ECPAS: variants seen among roughly 807,000 people sequenced by gnomAD.
The protein encoded by ECPAS is proteasome adapter and scaffold protein ECM29.
In ECPAS, 70 loss-of-function variants were observed where a neutral mutation model predicts 255.1. The ratio of observed to expected loss-of-function variants is 0.27; its 90% CI spans 0.23 to 0.33. ECPAS has a LOEUF of 0.33. ECPAS is among the 10% of genes least tolerant of loss of function. The pLI is 1.00. For missense variants in ECPAS, 1,817 were observed against 2,206.4 expected (o/e 0.82, Z 3.54); for synonymous variants, 784 against 775.0 (o/e 1.01, Z -0.19).
intron 2 of ECPAS, among the ~76,000 whole-genome samples, chr9:111,456,668 T>TTC (rs2098267376): frequency 6.6e-6 from 1 of 152,204 alleles, no homozygotes; most frequent in Non-Finnish European, 1.5e-5. Context: ...CCAGCTGCAG[T>TTC]TCAACCTTTC....
chr9:111,403,332 A>G (rs12352117), intron 24 of ECPAS, among the ~76,000 whole-genome samples: 65,498 of 150,124 alleles, frequency 0.44, 14,579 homozygotes, highest in Non-Finnish European at 0.48. Context: ...TCCAGCCTGG[A>G]CAATGGAGCG....
At chr9:111,374,970 T>A in intron 38 of ECPAS, 143 bp downstream of exon 38, 2 of 630,306 alleles carry the variant, frequency 3.2e-6, no homozygotes, top group Non-Finnish European at 5.7e-6. Flanking sequence ...TTTTCAGTTA[T>A]CAGTGCAACC....
At chr9:111,453,079 T>C (rs2098262449) in intron 2 of ECPAS, among the ~76,000 whole-genome samples, 1 of 151,758 alleles carries the variant, frequency 6.6e-6, no homozygotes, top group African/African-American at 2.4e-5. Context: ...CCCCCATCTC[T>C]ACAAAAAAAA....
At chr9:111,368,402 T>C (rs2098123280) in intron 46 of ECPAS, among the ~76,000 whole-genome samples, 1 of 152,192 alleles carries the variant, frequency 6.6e-6, no homozygotes, top group Non-Finnish European at 1.5e-5. Context: ...ACTTTGTGCA[T>C]TCCTCTGAAT....
At chr9:111,458,546 G>A (rs1000605543) in intron 2 of ECPAS, among the ~76,000 whole-genome samples, 2 of 152,004 alleles carry the variant, frequency 1.3e-5, no homozygotes, top group African/African-American at 4.8e-5. Context: ...AGATAACTCA[G>A]GATGGGGGTT....
chr9:111,408,524 A>T, intron 24 of ECPAS, 47 bp downstream of exon 24: 1 of 1,182,806 alleles, frequency 8.5e-7, no homozygotes, highest in Non-Finnish European at 1.2e-6. Context: ...AAAAAAGACC[A>T]ATGCCTTTTC....
rs1001763447 is a variant in ECPAS, at chr9:111,420,193, C to T, written c.1456-73G>A. 2.3e-5 allele frequency: 22 copies of T among 974,402 alleles called. No homozygotes were observed. The African/African-American group carries it at 2.8e-4, about 12-fold the overall frequency. The allele number at this position is 974,402 out of a possible 1,614,324, so 60.4% of individuals were successfully genotyped here. A position where few individuals can be genotyped will look rare whatever the true frequency, so the allele number is the denominator to read the frequency against. ...AAAAAAAAATCAATTACCAGCCATT[C>T]ATTCCAATCAAGATGAGTCTTCCTA... On this transcript the variant is annotated intron_variant, in intron 15 of 49. Coordinates refer to ENST00000684092, the MANE Select transcript of ECPAS (RefSeq NM_001364929.1).
At position 111,442,437 on chromosome 9, in the gene ECPAS, G is replaced by A. The variant is rs746338204; in HGVS notation, c.271-13C>T. 5.5e-6 allele frequency: 8 copies of A among 1,449,280 alleles called. No homozygotes were observed. Among genetic ancestry groups the A allele is most frequent in the African/African-American group, 2.8e-5 (2 of 71,474 alleles). The allele number at this position is 1,449,280 out of a possible 1,614,324, so 89.8% of individuals were successfully genotyped here. Reference sequence around the variant, plus strand: ...TTATAGTAAAATTCTAATGCAATAAGAGAAAAGCAAGTGAGTGTGAAGGAA... The same window carrying A: ...TTATAGTAAAATTCTAATGCAATAAAAGAAAAGCAAGTGAGTGTGAAGGAA... On this transcript the variant is annotated splice_polypyrimidine_tract_variant and intron_variant, in intron 4 of 49. Coordinates refer to ENST00000684092, the MANE Select transcript of ECPAS (RefSeq NM_001364929.1).
At chr9:111,449,071 G>A (rs573062571) in intron 3 of ECPAS, among the ~76,000 whole-genome samples, 12 of 152,230 alleles carry the variant, frequency 7.9e-5, no homozygotes, top group African/African-American at 2.6e-4. Context: ...ATCATTCCAA[G>A]CCTCAGTTTC....
intron 6 of ECPAS, among the ~76,000 whole-genome samples, chr9:111,439,793 G>A (rs367619742): frequency 1.4e-4 from 21 of 152,012 alleles, no homozygotes; most frequent in African/African-American, 4.6e-4. Context: ...CATAGAGAGG[G>A]GGTGTAGAGA....
rs1159392398 is a variant in ECPAS, at chr9:111,427,967, AAC to A, written c.1050+73_1050+74del. On this transcript the variant is annotated intron_variant, in intron 10 of 49. Transcript: ENST00000684092. ...TCAACCTACCCACTGAATATCCATT[AAC>A]ACAGTTCTTTCTCTAATTAAATAGA... 8.0e-6 allele frequency: 11 copies of A among 1,382,480 alleles called. 1 individual carries two copies. The East Asian group carries it at 2.7e-4, about 34-fold the overall frequency. The allele number at this position is 1,382,480 out of a possible 1,614,324, so 85.6% of individuals were successfully genotyped here. A position where few individuals can be genotyped will look rare whatever the true frequency, so the allele number is the denominator to read the frequency against.
chr9:111,412,012 AC>A lies in ECPAS; in HGVS notation c.2214+1del, dbSNP rs2098195322. The A allele has an allele frequency of 6.5e-7, 1 of 1,547,298 alleles. No individual in the cohort carries two copies. The highest frequency in any genetic ancestry group is 1.4e-5 in the African/African-American group (1 of 70,682). On this transcript the variant is annotated splice_donor_variant, in intron 21 of 49. Coordinates refer to ENST00000684092, the MANE Select transcript of ECPAS (RefSeq NM_001364929.1). LOFTEE classifies it high-confidence loss of function. ...AAAAAGAATGAAAACAAAATAACATACGTGATTGTCTTTTGTAGTCTTTATA... is the reference window on the plus strand; with the variant it reads ...AAAAAGAATGAAAACAAAATAACATAGTGATTGTCTTTTGTAGTCTTTATA...
intron 10 of ECPAS, among the ~76,000 whole-genome samples, chr9:111,426,100 G>C (rs2098221162): frequency 1.3e-5 from 2 of 152,076 alleles, no homozygotes; most frequent in South Asian, 4.1e-4. Flanking sequence ...CACTGCAGTG[G>C]GTCACCACTC....
At chr9:111,472,807 T>A in intron 2 of ECPAS, 90 bp downstream of exon 2, 1 of 262,608 alleles carries the variant, frequency 3.8e-6, no homozygotes, top group Non-Finnish European at 7.4e-6. Flanking sequence ...CATGAAGATC[T>A]TGGGGGGAAA....
At chr9:111,445,115 C>A (rs2131924632) in intron 3 of ECPAS, among the ~76,000 whole-genome samples, 1 of 151,696 alleles carries the variant, frequency 6.6e-6, no homozygotes, top group African/African-American at 2.4e-5. Context: ...CCTGCCTCAG[C>A]CTCCCGAGTA....
rs1364716550 is a variant in ECPAS, at chr9:111,389,703, A to C, written c.3300T>G (p.Asn1100Lys). 1 of 1,612,120 alleles carries C rather than the reference A, an allele frequency of 6.2e-7. No individual in the cohort carries two copies. Among genetic ancestry groups the C allele is most frequent in the African/African-American group, 1.3e-5 (1 of 74,786 alleles). The change falls in exon 31 of 50, where the codon AAT (asparagine) becomes AAG (lysine). Residue 1100 changes from asparagine (N) to lysine (K), a missense_variant. By Grantham distance (94) the Asn-to-Lys change is moderately conservative. Transcript: ENST00000684092. The part of the protein sequence containing the change: ...NSRKGAAFGF[N>K]VIATRAGEQL... The stretch of plus-strand genomic sequence containing the variant: ...GCTCTCCAGCTCTGGTAGCAATTAC[A>C]TTAAAACCAAAAGCAGCACCCTAAA...
At position 111,484,259 on chromosome 9, in the gene ECPAS, G is replaced by A; in HGVS notation, c.-226C>T. 2.7e-6 allele frequency: 4 copies of A among 1,499,502 alleles called. No individual in the cohort carries two copies. The highest frequency in any genetic ancestry group is 3.5e-6 in the Non-Finnish European group (4 of 1,128,202). The allele number at this position is 1,499,502 out of a possible 1,614,324, so 92.9% of individuals were successfully genotyped here. On this transcript the variant is annotated 5_prime_UTR_variant, in exon 1 of 50. Transcript: ENST00000684092. ...GGGCTGGGCCGAGCGGGCCCGGGCT[G>A]CCCTAGCGGCCGGGGGAAATCCTCG...
At chr9:111,385,517 A>G in intron 32 of ECPAS, 75 bp from the exon 33 acceptor site, 1 of 849,884 alleles carries the variant, frequency 1.2e-6, no homozygotes, top group Non-Finnish European at 1.9e-6. Context: ...ATACTAAAAA[A>G]GAATACAGAT....
At chr9:111,363,793 A>T (rs1357445885) in intron 48 of ECPAS, 134 bp from the exon 49 acceptor site, 242 of 508,408 alleles carry the variant, frequency 4.8e-4, no homozygotes, top group East Asian at 8.2e-4. Flanking sequence ...TTTTTTTTTT[A>T]AAGGAAGCTT....
Sources: allele counts gnomAD v4.1 joint callset (sites outside exome capture counted in the v4.1 genomes callset), GRCh38; gene constraint gnomAD v4.1.1; transcripts MANE v1.5; gene names NCBI Gene and HGNC (gene_info 2026-07-23, HGNC 2026-07-21).